Variants in CC2D2A observed in about 807,000 individuals in gnomAD.
The protein encoded by CC2D2A is coiled-coil and C2 domain-containing protein 2A.
Under a neutral mutation model 212.9 loss-of-function variants are expected in CC2D2A, and 155 were observed. The ratio of observed to expected loss-of-function variants is 0.73; its 90% CI spans 0.64 to 0.83. The LOEUF (loss-of-function observed/expected upper bound fraction) is 0.83, where lower values mean the gene tolerates loss of function less well. Ranked by LOEUF, CC2D2A falls within the 40% of genes least tolerant of loss-of-function variation. The pLI is 0.00. For missense variants in CC2D2A, 1,856 were observed against 1,956.2 expected (o/e 0.95, Z 0.97); for synonymous variants, 667 against 686.5 (o/e 0.97, Z 0.44).
chr4:15,481,271 G>A (rs748544504), intron 4 of CC2D2A: 1 of 453,292 alleles, frequency 2.2e-6, no homozygotes, highest in Non-Finnish European at 4.4e-6. Flanking sequence ...CACTTTGGAA[G>A]GCCGAGGCGG....
intron 28 of CC2D2A, among the ~76,000 whole-genome samples, chr4:15,573,938 C>T (rs769367841): frequency 6.6e-6 from 1 of 152,184 alleles, no homozygotes; most frequent in Non-Finnish European, 1.5e-5. Context: ...ATTCAGTACA[C>T]CCTCTGCTAA....
intron 14 of CC2D2A, 157 bp downstream of exon 14, chr4:15,533,490 C>A: frequency 2.0e-6 from 1 of 488,400 alleles, no homozygotes; most frequent in Non-Finnish European, 3.6e-6. Context: ...GCAGCCCCTC[C>A]CAAATAACAT....
At chr4:15,494,738 C>T (rs1212945663) in intron 4 of CC2D2A, among the ~76,000 whole-genome samples, 1 of 152,164 alleles carries the variant, frequency 6.6e-6, no homozygotes, top group Non-Finnish European at 1.5e-5. Context: ...ATCCTAGGGT[C>T]TTGCATCAGA....
In CC2D2A at chr4:15,478,783, C is replaced by T. The variant is rs896947430; in HGVS notation, c.100C>T (p.Arg34Ter). ...MGRQNKNSKV[R>*]RQPRKKQPPT... ...AAGACAGAATAAGAACTCAAAGGTTCGAAGACAGCCAAGAAAGAAACAGGT... is the reference window on the plus strand; with the variant it reads ...AAGACAGAATAAGAACTCAAAGGTTTGAAGACAGCCAAGAAAGAAACAGGT... Residue 34 changes from arginine (R) to a stop codon, truncating the protein, a stop_gained, in exon 3 of 37, where the codon CGA (arginine) becomes TGA (stop). Coordinates refer to ENST00000424120, the MANE Select transcript of CC2D2A (RefSeq NM_001378615.1). LOFTEE classifies it high-confidence loss of function. 27 of 1,554,006 alleles carry T rather than the reference C, an allele frequency of 1.7e-5. No individual in the cohort carries two copies. The highest frequency in any genetic ancestry group is 3.9e-5 in the Admixed American group (2 of 51,186).
rs1716494130 is a variant in CC2D2A, at chr4:15,510,249, T to C, written c.540+9T>C. On this transcript the variant is annotated intron_variant, in intron 7 of 36. Coordinates refer to ENST00000424120, the MANE Select transcript of CC2D2A (RefSeq NM_001378615.1). ...TCAAGCCTAAACCCCAGGTGAGAAA[T>C]CTTGTTTTTTAAAATCATTTGTTTG... 3 of 1,603,046 alleles carry C rather than the reference T, an allele frequency of 1.9e-6. No homozygotes were observed. Among genetic ancestry groups the C allele is most frequent in the Non-Finnish European group, 1.7e-6 (2 of 1,173,256 alleles).
chr4:15,494,645 C>T (rs1038856559), intron 4 of CC2D2A, among the ~76,000 whole-genome samples: 22 of 152,144 alleles, frequency 1.4e-4, no homozygotes, highest in African/African-American at 4.3e-4. Context: ...GCTTTTGGGC[C>T]GTTTTCTTGC....
At chr4:15,471,851 A>G (rs371154710) in intron 1 of CC2D2A, among the ~76,000 whole-genome samples, 3 of 151,446 alleles carry the variant, frequency 2.0e-5, no homozygotes, top group African/African-American at 7.3e-5. Context: ...TTGTATCTCA[A>G]CCTCCAGGTA....
At chr4:15,505,268 C>T (rs1056236446) in intron 6 of CC2D2A, among the ~76,000 whole-genome samples, 9 of 152,314 alleles carry the variant, frequency 5.9e-5, no homozygotes, top group Middle Eastern at 3.4e-3. Flanking sequence ...TCACTTTATG[C>T]TCAGCAGATT....
intron 4 of CC2D2A, among the ~76,000 whole-genome samples, chr4:15,495,339 G>A (rs1197702087): frequency 1.3e-5 from 2 of 152,216 alleles, no homozygotes; most frequent in East Asian, 3.9e-4. Flanking sequence ...GAACTTCTGA[G>A]CTCAGACAAT....
At chr4:15,470,711 A>C (rs1322800526) in intron 1 of CC2D2A, among the ~76,000 whole-genome samples, 1,072 of 89,692 alleles carry the variant, frequency 0.012, 7 homozygotes, top group African/African-American at 0.015. Context: ...ATATATATAT[A>C]TATATATATA....
At chr4:15,535,725 G>A (rs1187900508) in intron 14 of CC2D2A, among the ~76,000 whole-genome samples, 1 of 152,242 alleles carries the variant, frequency 6.6e-6, no homozygotes, top group Middle Eastern at 3.4e-3. Context: ...TGTGCCTTGG[G>A]GGACTGTAAA....
Position 15,587,800 on chromosome 4 carries a change from T to C in CC2D2A, c.4066-16T>C, listed in dbSNP as rs1451675588. 2 of 1,407,196 alleles carry C rather than the reference T, an allele frequency of 1.4e-6. No homozygotes were observed. The highest frequency in any genetic ancestry group is 2.8e-5 in the African/African-American group (2 of 70,844). 87.2% of individuals were successfully genotyped at this position (1,407,196 alleles called of 1,614,324 possible). On this transcript the variant is annotated splice_polypyrimidine_tract_variant and intron_variant, in intron 31 of 36. Transcript: ENST00000424120. ...GCATTGAGTCATACAACATAATTTT[T>C]TTTTCTTTTTGTCAGCAATTTCTTG...
At chr4:15,588,839 T>G (rs1331655527) in intron 32 of CC2D2A, among the ~76,000 whole-genome samples, 1 of 152,056 alleles carries the variant, frequency 6.6e-6, no homozygotes, top group Non-Finnish European at 1.5e-5. Context: ...CCCAGAAAAC[T>G]GTTGTGAGCA....
At chr4:15,597,845 C>T (rs902560359) in intron 35 of CC2D2A, among the ~76,000 whole-genome samples, 1 of 152,178 alleles carries the variant, frequency 6.6e-6, no homozygotes, top group Non-Finnish European at 1.5e-5. Context: ...TCAGTAAGAG[C>T]CTGTATGAGT....
At position 15,509,421 on chromosome 4, in the gene CC2D2A, C is replaced by T. The variant is rs185884925; in HGVS notation, c.439-718C>T. On this transcript the variant is annotated intron_variant, in intron 6 of 36. Transcript: ENST00000424120. ...CCCCAGTAGCTGGGATTACAGGCGC[C>T]CGCCACCACGCCTGGCTAAACTTTG... Among the ~76,000 whole-genome samples, 384 of 152,132 alleles carry T rather than the reference C, an allele frequency of 2.5e-3. 1 individual carries two copies. The highest frequency in any genetic ancestry group is 8.8e-3 in the African/African-American group (364 of 41,520).
intron 24 of CC2D2A, among the ~76,000 whole-genome samples, chr4:15,565,783 T>C (rs1560185847): frequency 6.6e-6 from 1 of 151,990 alleles, no homozygotes; most frequent in Non-Finnish European, 1.5e-5. Flanking sequence ...TAATTTGTTT[T>C]ATTATTTTTT....
At chr4:15,490,478 A>G (rs1322592379) in intron 4 of CC2D2A, among the ~76,000 whole-genome samples, 1 of 152,122 alleles carries the variant, frequency 6.6e-6, no homozygotes, top group Non-Finnish European at 1.5e-5. Context: ...CCACATTTCA[A>G]TTTCATTTCT....
At chr4:15,532,161 C>T (rs1717880580) in intron 13 of CC2D2A, among the ~76,000 whole-genome samples, 2 of 152,212 alleles carry the variant, frequency 1.3e-5, no homozygotes, top group Non-Finnish European at 1.5e-5. Flanking sequence ...CAATGCTTTA[C>T]TGGTCCTCAA....
At chr4:15,567,837 G>T (rs1719963759) in intron 26 of CC2D2A, 51 bp downstream of exon 26, 4 of 1,302,426 alleles carry the variant, frequency 3.1e-6, no homozygotes, top group Non-Finnish European at 4.2e-6. Flanking sequence ...GAAGAAATGT[G>T]AAGAAAGCAG....
Sources: allele counts gnomAD v4.1 joint callset (sites outside exome capture counted in the v4.1 genomes callset), GRCh38; gene constraint gnomAD v4.1.1; transcripts MANE v1.5; gene names NCBI Gene and HGNC (gene_info 2026-07-23, HGNC 2026-07-21).